The following TRMT44 variants were observed in gnomAD, a reference collection of about 807,000 sequenced individuals.
The protein encoded by TRMT44 is tRNA methyltransferase 44 homolog, also known as probable tRNA (uracil-O(2)-)-methyltransferase.
Under a neutral mutation model 77.3 loss-of-function variants are expected in TRMT44, and 78 were observed. The ratio of observed to expected loss-of-function variants is 1.01; its 90% CI spans 0.84 to 1.22. The LOEUF is 1.22. Among genes scored for constraint, TRMT44 ranks in the 50% most tolerant of loss-of-function variants. TRMT44 has a pLI of 0.00. For missense variants in TRMT44, 1,090 were observed against 964.4 expected (o/e 1.13, Z -1.73); for synonymous variants, 391 against 383.3 (o/e 1.02, Z -0.23).
chr4:8,443,884 C>T (rs1579030673), intron 1 of TRMT44, among the ~76,000 whole-genome samples: 1 of 151,808 alleles, frequency 6.6e-6, no homozygotes, highest in Admixed American at 6.6e-5. Flanking sequence ...GACGTGAACC[C>T]GGTGAGTGGA....
chr4:8,492,367 G>T (rs934757801), intron 2 of TRMT44, among the ~76,000 whole-genome samples: 1 of 152,148 alleles, frequency 6.6e-6, no homozygotes, highest in South Asian at 2.1e-4. Flanking sequence ...CATGACCGCC[G>T]TGGTGCTGAA....
chr4:8,449,111 A>C, intron 2 of TRMT44, among the ~76,000 whole-genome samples: 1 of 152,204 alleles, frequency 6.6e-6, no homozygotes, highest in Non-Finnish European at 1.5e-5. Context: ...AGTGCCTGCT[A>C]TGTGTCAGCA....
chr4:8,443,190 A>G (rs957878447), intron 1 of TRMT44, among the ~76,000 whole-genome samples: 1 of 152,192 alleles, frequency 6.6e-6, no homozygotes, highest in Non-Finnish European at 1.5e-5. Context: ...GAGTTCTTCC[A>G]GCTCTTATCA....
the TRMT44 span, among the ~76,000 whole-genome samples, chr4:8,508,384 G>T: frequency 6.6e-6 from 1 of 152,206 alleles, no homozygotes; most frequent in African/African-American, 2.4e-5. Flanking sequence ...TGGGTGCCAT[G>T]GGTTGTGTCT....
Position 8,449,656 on chromosome 4 carries a change from C to G in TRMT44, c.735-13C>G. On this transcript the variant is annotated splice_polypyrimidine_tract_variant and intron_variant, in intron 2 of 10. Transcript: ENST00000389737. ...CATATCTGTGCTTATTCATATTTCTCTTATTTTTAAAGGTTCATATCTGTT... is the reference window on the plus strand; with the variant it reads ...CATATCTGTGCTTATTCATATTTCTGTTATTTTTAAAGGTTCATATCTGTT... The G allele has an allele frequency of 6.6e-7, 1 of 1,517,020 alleles. No homozygotes were observed. The highest frequency in any genetic ancestry group is 1.4e-5 in the African/African-American group (1 of 72,694). 94.0% of individuals were successfully genotyped at this position (1,517,020 alleles called of 1,614,324 possible). A position where few individuals can be genotyped will look rare whatever the true frequency, so the allele number is the denominator to read the frequency against.
At chr4:8,509,863 C>G in the TRMT44 span, 1 of 152,358 alleles carries the variant, frequency 6.6e-6, no homozygotes, top group Non-Finnish European at 1.5e-5. Flanking sequence ...GGATGTCAGA[C>G]GCGCTCACTT....
rs1476191397 is a variant in TRMT44 at position 8,461,529 on chromosome 4, T to C, written c.1204-2456T>C. The stretch of plus-strand genomic sequence containing the variant: ...AAGAGCTGGCTGCTGAGGGTGCCCC[T>C]TGGAGAACGGGCGGAGGCTCTAGTT... On this transcript the variant is annotated intron_variant, in intron 6 of 10. Coordinates refer to ENST00000389737, the MANE Select transcript of TRMT44 (RefSeq NM_152544.3). The surrounding 1 kb of genome is among the most constrained non-coding windows in gnomAD (Gnocchi z 4.6). Among the ~76,000 whole-genome samples, 1 of 152,132 alleles carries C rather than the reference T, an allele frequency of 6.6e-6. No homozygotes were observed. Among genetic ancestry groups the C allele is most frequent in the East Asian group, 1.9e-4 (1 of 5,180 alleles).
Position 8,468,002 on chromosome 4 carries a change from G to C in TRMT44, c.1583G>C (p.Arg528Pro). ...AGGACTCAGTACATTAAGAGCAGGC[G>C]GGGCTGCCCTGTAAGCCCACCTGGC... ...EKRTQYIKSR[R>P]GCPVSPPGWE... The change falls in exon 9 of 11, where the codon CGG becomes CCG. Residue 528 changes from arginine to proline, a missense_variant. Physicochemically the swap from Arg to Pro is moderately radical, Grantham distance 103 (BLOSUM62 -2). Transcript: ENST00000389737. 2 of 1,614,088 alleles carry C rather than the reference G, an allele frequency of 1.2e-6. No homozygotes were observed. Among genetic ancestry groups the C allele is most frequent in the Non-Finnish European group, 1.7e-6 (2 of 1,180,046 alleles).
the TRMT44 span, among the ~76,000 whole-genome samples, chr4:8,498,799 C>T: frequency 1.6e-4 from 24 of 152,136 alleles, no homozygotes; most frequent in African/African-American, 3.6e-4. The surrounding 1 kb of genome is among the most constrained non-coding windows in gnomAD (Gnocchi z 4.3). Flanking sequence ...ATGCCAGGGG[C>T]GATGTGTTCT....
the TRMT44 span, among the ~76,000 whole-genome samples, chr4:8,503,711 C>A: frequency 2.3e-4 from 35 of 151,784 alleles, no homozygotes; most frequent in Non-Finnish European, 4.0e-4. Context: ...GAACAGAATT[C>A]CCGTCCAGAA....
intron 6 of TRMT44, among the ~76,000 whole-genome samples, chr4:8,462,113 G>A (rs1411643658): frequency 2.0e-5 from 3 of 152,222 alleles, no homozygotes; most frequent in African/African-American, 7.2e-5. Context: ...CAAAATGCCA[G>A]TGAAAAGTTC....
At chr4:8,459,094 C>T (rs116262938) in intron 6 of TRMT44, among the ~76,000 whole-genome samples, 4,828 of 151,900 alleles carry the variant, frequency 0.032, 90 homozygotes, top group South Asian at 0.065. Context: ...CCCAGCTACG[C>T]GGGAGGCTGA....
chr4:8,475,730 C>A, intron 10 of TRMT44, 42 bp from the exon 11 acceptor site: 1 of 1,593,424 alleles, frequency 6.3e-7, no homozygotes, highest in Non-Finnish European at 8.6e-7. Flanking sequence ...AAGGAACTTT[C>A]AGGTTTACTT....
chr4:8,492,322 C>T (rs1389468299), intron 2 of TRMT44, among the ~76,000 whole-genome samples: 2 of 152,188 alleles, frequency 1.3e-5, no homozygotes, highest in Non-Finnish European at 2.9e-5. Flanking sequence ...TCCAGCCTTT[C>T]CTTTCAACAT....
intron 6 of TRMT44, among the ~76,000 whole-genome samples, chr4:8,458,660 G>C (rs763120918): frequency 2.6e-5 from 4 of 151,474 alleles, no homozygotes; most frequent in Non-Finnish European, 4.4e-5. Flanking sequence ...TCACCATGTT[G>C]GCCAGGCTGG....
chr4:8,508,337 G>A, the TRMT44 span, among the ~76,000 whole-genome samples: 2 of 152,224 alleles, frequency 1.3e-5, no homozygotes, highest in Non-Finnish European at 2.9e-5. Flanking sequence ...CAGGGGCTGC[G>A]GCTGGAGGTT....
rs565699312 is a variant in TRMT44 at position 8,468,187 on chromosome 4, C to A, written c.1768C>A (p.His590Asn). Residue 590 changes from histidine to asparagine, a missense_variant, in exon 9 of 11, where the codon CAT (histidine) becomes AAT (asparagine). His to Asn is a moderately conservative substitution (Grantham distance 68, BLOSUM62 1). Coordinates refer to ENST00000389737, the MANE Select transcript of TRMT44 (RefSeq NM_152544.3). ...TGAAGGACCCTGGCTACCTGGATTT[C>A]ATCCCAGAGAAAAGGCTGAGCGTGT... ...QAEGPWLPGF[H>N]PREKAERVRN... The A allele has an allele frequency of 2.2e-5, 36 of 1,614,096 alleles. No individual in the cohort carries two copies. Among genetic ancestry groups the A allele is most frequent in the Non-Finnish European group, 2.8e-5 (33 of 1,180,058 alleles).
chr4:8,484,938 G>T (rs1727757250), intron 2 of TRMT44, among the ~76,000 whole-genome samples: 1 of 152,202 alleles, frequency 6.6e-6, no homozygotes, highest in Admixed American at 6.5e-5. Context: ...AGATGGAGAA[G>T]AAATTTGAGC....
At chr4:8,463,480 G>T (rs191442729) in intron 6 of TRMT44, among the ~76,000 whole-genome samples, 3 of 152,038 alleles carry the variant, frequency 2.0e-5, no homozygotes, top group African/African-American at 2.4e-5. Flanking sequence ...AAAGAATTTC[G>T]TGTATTTACA....
Sources: allele counts gnomAD v4.1 joint callset (sites outside exome capture counted in the v4.1 genomes callset), GRCh38; gene constraint gnomAD v4.1.1; non-coding constraint Gnocchi (gnomAD v3.1); transcripts MANE v1.5; gene names NCBI Gene and HGNC (gene_info 2026-07-23, HGNC 2026-07-21).